ZNF385D: variants seen among roughly 807,000 people sequenced by gnomAD.
ZNF385D encodes zinc finger protein 385D.
Under a neutral mutation model 35.8 loss-of-function variants are expected in ZNF385D, and 15 were observed. The observed-to-expected ratio is 0.42, with a 90% CI of 0.28 to 0.64. ZNF385D has a LOEUF of 0.64. Ranked by LOEUF, ZNF385D falls within the 30% of genes least tolerant of loss-of-function variation. The pLI is 0.23. For missense variants in ZNF385D, 474 were observed against 494.6 expected (o/e 0.96, Z 0.39); for synonymous variants, 212 against 186.8 (o/e 1.13, Z -1.10).
At chr3:22,082,346 C>G (rs1658194777) in intron 3 of ZNF385D, among the ~76,000 whole-genome samples, 1 of 152,090 alleles carries the variant, frequency 6.6e-6, no homozygotes, top group African/African-American at 2.4e-5. Context: ...ACACTTCTGC[C>G]CTAATACTGC....
intron 4 of ZNF385D, among the ~76,000 whole-genome samples, chr3:21,438,942 C>T (rs1701714689): frequency 6.6e-6 from 1 of 152,002 alleles, no homozygotes; most frequent in African/African-American, 2.4e-5. Flanking sequence ...AAAAATATAT[C>T]TTGAGAACCT....
intron 3 of ZNF385D, among the ~76,000 whole-genome samples, chr3:21,861,951 G>T (rs569641293): frequency 1.1e-4 from 16 of 152,078 alleles, no homozygotes; most frequent in Non-Finnish European, 1.5e-4. Flanking sequence ...GGAAAACCAT[G>T]CCATGCCTTG....
intron 1 of ZNF385D, among the ~76,000 whole-genome samples, chr3:21,686,050 T>C (rs981338403): frequency 2.0e-5 from 3 of 152,112 alleles, no homozygotes; most frequent in Admixed American, 2.0e-4. Flanking sequence ...CAAAGGCAAA[T>C]TGAAACAGTC....
chr3:21,551,563 G>T (rs1386851147), intron 3 of ZNF385D, among the ~76,000 whole-genome samples: 1 of 152,118 alleles, frequency 6.6e-6, no homozygotes, highest in African/African-American at 2.4e-5. Flanking sequence ...CACTTAATAA[G>T]CTTACATCTT....
intron 2 of ZNF385D, among the ~76,000 whole-genome samples, chr3:21,625,397 A>G (rs2065108365): frequency 6.6e-6 from 1 of 152,124 alleles, no homozygotes; most frequent in Non-Finnish European, 1.5e-5. Flanking sequence ...CAGCGGTGCT[A>G]AAGATTTTTG....
intron 3 of ZNF385D, among the ~76,000 whole-genome samples, chr3:21,864,073 G>C (rs1697201165): frequency 6.6e-6 from 1 of 152,132 alleles, no homozygotes. Flanking sequence ...CAGGTAAGGA[G>C]TGTGCCTCTA....
intron 3 of ZNF385D, among the ~76,000 whole-genome samples, chr3:22,016,955 C>CAA (rs59922733): frequency 2.3e-4 from 35 of 149,202 alleles, no homozygotes; most frequent in African/African-American, 8.5e-4. Context: ...CACACACACA[C>CAA]AAACACACAC....
intron 2 of ZNF385D, among the ~76,000 whole-genome samples, chr3:22,358,711 C>A (rs961561311): frequency 2.6e-5 from 4 of 151,444 alleles, no homozygotes; most frequent in Non-Finnish European, 5.9e-5. Flanking sequence ...ATCTGAGAAG[C>A]AAAAATAAGA....
chr3:21,513,816 T>C (rs1707383648), intron 3 of ZNF385D, among the ~76,000 whole-genome samples: 1 of 152,174 alleles, frequency 6.6e-6, no homozygotes, highest in Non-Finnish European at 1.5e-5. Context: ...CCTAGCATAA[T>C]TTTTTCTAAT....
chr3:21,817,264 A>C (rs1404209156), intron 3 of ZNF385D, among the ~76,000 whole-genome samples: 1 of 152,258 alleles, frequency 6.6e-6, no homozygotes, highest in Admixed American at 6.5e-5. Flanking sequence ...CATTCAGGAC[A>C]TAGGCATGGG....
intron 3 of ZNF385D, among the ~76,000 whole-genome samples, chr3:21,517,612 T>A (rs1269383858): frequency 1.3e-5 from 2 of 152,144 alleles, no homozygotes; most frequent in African/African-American, 4.8e-5. Flanking sequence ...CTGTGAAACC[T>A]CCCCACCTCC....
At chr3:21,908,164 ATCTATC>A (rs1553696893) in intron 3 of ZNF385D, among the ~76,000 whole-genome samples, 2 of 148,820 alleles carry the variant, frequency 1.3e-5, no homozygotes, top group African/African-American at 5.0e-5. Flanking sequence ...CTATCTATCT[ATCTATC>A]TATATATGTA....
chr3:22,169,380 C>A (rs750955316), intron 2 of ZNF385D, among the ~76,000 whole-genome samples: 1 of 152,200 alleles, frequency 6.6e-6, no homozygotes, highest in African/African-American at 2.4e-5. Context: ...TAAGGTCACA[C>A]AGCTAACAAG....
At chr3:22,234,360 A>G (rs1305223392) in intron 2 of ZNF385D, among the ~76,000 whole-genome samples, 1 of 152,100 alleles carries the variant, frequency 6.6e-6, no homozygotes, top group Non-Finnish European at 1.5e-5. Flanking sequence ...CTTTTTGAAG[A>G]CACTTCCAAA....
chr3:21,756,363 C>A (rs1329380249), intron 3 of ZNF385D, among the ~76,000 whole-genome samples: 1 of 151,964 alleles, frequency 6.6e-6, no homozygotes, highest in East Asian at 1.9e-4. Context: ...ACAGAATTTC[C>A]ACTAATTCAG....
chr3:22,070,006 T>C (rs1384334091), intron 3 of ZNF385D, among the ~76,000 whole-genome samples: 3 of 152,240 alleles, frequency 2.0e-5, no homozygotes, highest in Non-Finnish European at 2.9e-5. Context: ...TTTACTATTC[T>C]TGGTACTTTA....
chr3:22,044,604 G>A (rs543813777), intron 3 of ZNF385D, among the ~76,000 whole-genome samples: 5 of 152,184 alleles, frequency 3.3e-5, no homozygotes, highest in Non-Finnish European at 5.9e-5. Flanking sequence ...AGGGAAGGTG[G>A]TGATGAATTT....
chr3:21,814,421 G>A (rs1372824366), intron 3 of ZNF385D, among the ~76,000 whole-genome samples: 1 of 152,058 alleles, frequency 6.6e-6, no homozygotes, highest in Non-Finnish European at 1.5e-5. Flanking sequence ...CCATCAGTGT[G>A]CTGTATTCAG....
exon 3 of ZNF385D, chr3:22,168,845 G>A (rs1051541817): frequency 2.9e-5 from 29 of 985,722 alleles, no homozygotes; most frequent in Non-Finnish European, 3.4e-5. Context: ...TCCCATTGCT[G>A]AGTTGTTTTA....
Sources: gnomAD v4.1 joint callset for allele counts (sites outside exome capture counted in the v4.1 genomes callset) on GRCh38, gnomAD v4.1.1 for gene constraint, MANE v1.5 for transcripts, NCBI Gene and HGNC (gene_info 2026-07-23, HGNC 2026-07-21) for gene names.